PRELID2: variants seen among roughly 807,000 people sequenced by gnomAD.
PRELID2 encodes PRELI domain-containing protein 2.
A neutral mutation model predicts 28.4 loss-of-function variants in PRELID2; 25 were observed. That is an observed-to-expected ratio of 0.88 (90% CI 0.64 to 1.23). The LOEUF (loss-of-function observed/expected upper bound fraction) is 1.23, where lower values mean the gene tolerates loss of function less well. PRELID2 is among the 50% of genes most tolerant of loss of function. The pLI is 0.00. For missense variants in PRELID2, 201 were observed against 214.4 expected, an observed-to-expected ratio of 0.94 and a Z score of 0.39; for synonymous variants, 76 against 71.6, an observed-to-expected ratio of 1.06 and a Z score of -0.31.
At chr5:145,609,240 T>A (rs1753572556) in intron 1 of PRELID2, among the ~76,000 whole-genome samples, 1 of 152,254 alleles carries the variant, frequency 6.6e-6, no homozygotes. Flanking sequence ...TTCTTATCCA[T>A]ATTCTGAATT....
chr5:145,774,513 C>T (rs1421473790), intron 5 of PRELID2, among the ~76,000 whole-genome samples: 2 of 152,178 alleles, frequency 1.3e-5, no homozygotes, highest in Non-Finnish European at 2.9e-5. Context: ...TAAAAAGTAG[C>T]TACTGATTTA....
At chr5:145,631,019 A>G (rs1356307979) in intron 1 of PRELID2, among the ~76,000 whole-genome samples, 2 of 152,208 alleles carry the variant, frequency 1.3e-5, no homozygotes, top group Non-Finnish European at 1.5e-5. Context: ...AATGGGGATA[A>G]ACCACTAATT....
intron 1 of PRELID2, among the ~76,000 whole-genome samples, chr5:145,747,085 G>A (rs1757009883): frequency 6.6e-6 from 1 of 152,008 alleles, no homozygotes; most frequent in Admixed American, 6.6e-5. Context: ...AAGCCAGAAA[G>A]ATCTCAAATC....
chr5:145,294,707 G>C, the PRELID2 span, among the ~76,000 whole-genome samples: 1 of 152,054 alleles, frequency 6.6e-6, no homozygotes, highest in Non-Finnish European at 1.5e-5. Flanking sequence ...TTGTTTACTT[G>C]GAATGGACTT....
chr5:145,435,927 A>G, the PRELID2 span, among the ~76,000 whole-genome samples: 1 of 152,130 alleles, frequency 6.6e-6, no homozygotes, highest in Admixed American at 6.5e-5. Context: ...CCTAACTTAC[A>G]AGATTTTTAA....
rs35455268 is a variant in PRELID2 at position 145,600,420 on chromosome 5, G to GAA, written n.71-127107_71-127106dup. Among the ~76,000 whole-genome samples the GAA allele has an allele frequency of 3.0e-3, 370 of 124,134 alleles. 12 individuals are homozygous for GAA. Among genetic ancestry groups the GAA allele is most frequent in the African/African-American group, 0.011 (312 of 27,304 alleles). 81.4% of individuals were successfully genotyped at this position (124,134 alleles called of 152,430 possible). A position where few individuals can be genotyped will look rare whatever the true frequency, so the allele number is the denominator to read the frequency against. Reference sequence around the variant, plus strand: ...AAGGCATGAGCTTCTCTCAGGGGGGGAAAAAAAAAAAAAAATATATATATA... The same window carrying GAA: ...AAGGCATGAGCTTCTCTCAGGGGGGGAAAAAAAAAAAAAAAAATATATATATA... On this transcript the variant is annotated intron_variant and non_coding_transcript_variant, in intron 1 of 2. Transcript: ENST00000510259.
intron 1 of PRELID2, among the ~76,000 whole-genome samples, chr5:145,597,884 C>T (rs1363001857): frequency 6.6e-6 from 1 of 152,122 alleles, no homozygotes; most frequent in Non-Finnish European, 1.5e-5. Flanking sequence ...TGGGTGAATA[C>T]AGAAGTGTCT....
rs757160059 is a variant in PRELID2, at chr5:145,760,417, T to C, written c.*119A>G. 3 of 152,082 alleles carry C rather than the reference T, an allele frequency of 2.0e-5. No individual in the cohort carries two copies. Among genetic ancestry groups the C allele is most frequent in the Non-Finnish European group, 4.4e-5 (3 of 68,016 alleles). The allele number at this position is 152,082 out of a possible 1,614,324, so 9.4% of individuals were successfully genotyped here. ...TCTCTTCTTGAAGCTGCCAACACTGTATCCTCAAACCTGTATTCCAGAAAC... is the reference window on the plus strand; with the variant it reads ...TCTCTTCTTGAAGCTGCCAACACTGCATCCTCAAACCTGTATTCCAGAAAC... On this transcript the variant is annotated 3_prime_UTR_variant, in exon 7 of 7. Transcript: ENST00000683046.
At chr5:145,726,646 T>C (rs770500776) in intron 1 of PRELID2, among the ~76,000 whole-genome samples, 1 of 152,194 alleles carries the variant, frequency 6.6e-6, no homozygotes, top group Non-Finnish European at 1.5e-5. Flanking sequence ...AAGGTGCCTA[T>C]CTCTGGGAGA....
At chr5:145,429,275 A>T in the PRELID2 span, among the ~76,000 whole-genome samples, 1 of 152,296 alleles carries the variant, frequency 6.6e-6, no homozygotes, top group East Asian at 1.9e-4. Flanking sequence ...CATGAAAGGA[A>T]GGTAGGGTTA....
At chr5:145,315,259 C>T in the PRELID2 span, among the ~76,000 whole-genome samples, 2 of 151,770 alleles carry the variant, frequency 1.3e-5, no homozygotes, top group African/African-American at 2.4e-5. Flanking sequence ...TTAGTAGAGA[C>T]AGGTTTCACC....
intron 1 of PRELID2, among the ~76,000 whole-genome samples, chr5:145,828,039 T>C (rs966041469): frequency 3.3e-5 from 5 of 152,094 alleles, no homozygotes; most frequent in African/African-American, 1.2e-4. Flanking sequence ...GTTTTATAAG[T>C]CAAATTATTT....
chr5:145,537,403 T>C lies in PRELID2; in HGVS notation n.71-64088A>G, dbSNP rs1752708221. 2.0e-5 allele frequency among the ~76,000 whole-genome samples: 3 copies of C among 151,914 alleles called. No homozygotes were observed. The South Asian group carries it at 6.2e-4, about 31-fold the overall frequency. ...GATATTTTCGGGAACCTCCACGATGTCTTCCATAACTATACTAGTTTACAA... is the reference window on the plus strand; with the variant it reads ...GATATTTTCGGGAACCTCCACGATGCCTTCCATAACTATACTAGTTTACAA... On this transcript the variant is annotated intron_variant and non_coding_transcript_variant, in intron 1 of 2. Coordinates refer to the PRELID2 transcript ENST00000510259.
the PRELID2 span, among the ~76,000 whole-genome samples, chr5:145,462,999 C>A: frequency 6.6e-6 from 1 of 152,042 alleles, no homozygotes; most frequent in South Asian, 2.1e-4. Context: ...ATAAATTAGA[C>A]AAAATTTTAT....
intron 1 of PRELID2, among the ~76,000 whole-genome samples, chr5:145,540,919 T>C (rs1188464038): frequency 6.6e-6 from 1 of 151,946 alleles, no homozygotes; most frequent in African/African-American, 2.4e-5. Flanking sequence ...GATGGGATAA[T>C]GGCATAGAGG....
chr5:145,513,485 A>G (rs1423332293), intron 1 of PRELID2, among the ~76,000 whole-genome samples: 1 of 152,098 alleles, frequency 6.6e-6, no homozygotes, highest in Non-Finnish European at 1.5e-5. Context: ...ATATGGGACT[A>G]TGTGAAAAGA....
chr5:145,713,369 T>TATATATATATATATATATATAC (rs1334656798), intron 1 of PRELID2, among the ~76,000 whole-genome samples: 23 of 144,640 alleles, frequency 1.6e-4, no homozygotes, highest in African/African-American at 5.6e-4. Context: ...TATATATATA[T>TATATATATATATATATATATAC]ACTTTACATT....
chr5:145,814,172 G>A (rs571116421), intron 4 of PRELID2, among the ~76,000 whole-genome samples: 1 of 152,126 alleles, frequency 6.6e-6, no homozygotes, highest in Non-Finnish European at 1.5e-5. Flanking sequence ...CCTAAAGGAT[G>A]TCCTCCCTGG....
At chr5:145,815,310 C>G (rs1399294128) in intron 4 of PRELID2, among the ~76,000 whole-genome samples, 1 of 152,196 alleles carries the variant, frequency 6.6e-6, no homozygotes, top group Non-Finnish European at 1.5e-5. Context: ...GTAAACCACA[C>G]AGTCTATGGT....
Sources: gnomAD v4.1 joint callset for allele counts (sites outside exome capture counted in the v4.1 genomes callset) on GRCh38, gnomAD v4.1.1 for gene constraint, MANE v1.5 for transcripts, NCBI Gene and HGNC (gene_info 2026-07-23, HGNC 2026-07-21) for gene names.